Variants in IK observed in about 807,000 individuals in gnomAD.
IK encodes protein Red.
Under a neutral mutation model 90.9 loss-of-function variants are expected in IK, and 47 were observed. That is an observed-to-expected ratio of 0.52 (90% CI 0.41 to 0.66). IK has a LOEUF of 0.66. Among genes scored for constraint, IK ranks in the 30% least tolerant of loss-of-function variants. The pLI, the probability that IK is intolerant of heterozygous loss-of-function variation, is 0.00. For synonymous variants in IK, 201 were observed against 227.5 expected, an observed-to-expected ratio of 0.88 and a Z score of 1.05; for missense variants, 385 against 709.3, an observed-to-expected ratio of 0.54 and a Z score of 5.19.
chr5:140,652,252 C>T (rs187621989), intron 4 of IK, 105 bp downstream of exon 4: 2 of 846,752 alleles, frequency 2.4e-6, no homozygotes, highest in Non-Finnish European at 3.9e-6. Context: ...TCTTGAGGCT[C>T]TCTACTTTCT....
At chr5:140,653,673 C>T (rs1757656282) in intron 5 of IK, among the ~76,000 whole-genome samples, 2 of 134,060 alleles carry the variant, frequency 1.5e-5, no homozygotes, top group South Asian at 5.2e-4. Flanking sequence ...AGCGCGATCT[C>T]AGCTCACTGC....
chr5:140,656,900 C>T (rs902412367), intron 9 of IK, among the ~76,000 whole-genome samples: 5 of 152,062 alleles, frequency 3.3e-5, no homozygotes, highest in African/African-American at 1.2e-4. Context: ...CCACCCCTAC[C>T]TCCCCTACCC....
chr5:140,652,860 A>G (rs1345249353), intron 4 of IK, 117 bp from the exon 5 acceptor site: 11 of 877,514 alleles, frequency 1.3e-5, no homozygotes, highest in East Asian at 2.6e-5. Context: ...CAGGACAGAC[A>G]TGAGCTTTTC....
At chr5:140,660,689 C>G in intron 15 of IK, 69 bp from the exon 16 acceptor site, 3 of 1,231,172 alleles carry the variant, frequency 2.4e-6, no homozygotes, top group Non-Finnish European at 3.6e-6. Flanking sequence ...ACCTCTTAGT[C>G]GGGTAGGTTT....
rs751857597 is a variant in IK at position 140,661,830 on chromosome 5, A to G, written c.1503-69A>G. ...GTTCCCCACTAAGTTCTTTGCCCAC[A>G]GGACTCTGGGAAAACCTCGCCACTG... On this transcript the variant is annotated intron_variant, in intron 17 of 19. Transcript: ENST00000417647. The surrounding 1 kb of genome is among the most constrained non-coding windows in gnomAD (Gnocchi z 4.2). 7.5e-6 allele frequency: 11 copies of G among 1,469,214 alleles called. No homozygotes were observed. The highest frequency in any genetic ancestry group is 1.2e-5 in the South Asian group (1 of 82,860). 91.0% of individuals were successfully genotyped at this position (1,469,214 alleles called of 1,614,324 possible). A position where few individuals can be genotyped will look rare whatever the true frequency, so the allele number is the denominator to read the frequency against.
intron 3 of IK, 42 bp from the exon 4 acceptor site, chr5:140,652,046 G>A (rs770531001): frequency 2.4e-5 from 36 of 1,502,100 alleles, no homozygotes; most frequent in Non-Finnish European, 3.2e-5. Flanking sequence ...TTCTGGGGCT[G>A]TGGCAATATT....
chr5:140,653,581 C>T (rs1415402688), intron 5 of IK, among the ~76,000 whole-genome samples: 3 of 64,812 alleles, frequency 4.6e-5, no homozygotes, highest in Admixed American at 4.1e-4. Context: ...CCGCACCTGG[C>T]CCCCCAACCC....
chr5:140,655,832 G>A lies in IK; in HGVS notation c.641G>A (p.Arg214His), dbSNP rs1242074762. 5 of 1,609,660 alleles carry A rather than the reference G, an allele frequency of 3.1e-6. No homozygotes were observed. The highest frequency in any genetic ancestry group is 2.2e-5 in the South Asian group (2 of 90,018). ...NKIEFKTRLG[R>H]NVYRMLFKSK... ...GCTGCTCTTCTCCTTATTGTAGGCC[G>A]CAATGTTTACCGAATGCTTTTTAAG... Residue 214 changes from arginine to histidine, a missense_variant, in exon 9 of 20, where the codon CGC becomes CAC. By Grantham distance (29) the Arg-to-His change is conservative (BLOSUM62 0). Coordinates refer to ENST00000417647, the MANE Select transcript of IK (RefSeq NM_006083.4).
At chr5:140,654,218 C>T (rs1217663512) in intron 6 of IK, among the ~76,000 whole-genome samples, 166 bp downstream of exon 6, 1 of 152,174 alleles carries the variant, frequency 6.6e-6, no homozygotes, top group Non-Finnish European at 1.5e-5. Flanking sequence ...AAGTATCAGG[C>T]CAAATTTTAT....
rs568823117 is a variant in IK at position 140,648,554 on chromosome 5, A to G, written c.83+17A>G. On this transcript the variant is annotated intron_variant, in intron 2 of 19. Coordinates refer to ENST00000417647, the MANE Select transcript of IK (RefSeq NM_006083.4). ...CTTCCACCAGTGAGTATTTTGTGCT[A>G]GGACCATGGAAATGAGTTGGGCAAT... 3 of 1,611,146 alleles carry G rather than the reference A, an allele frequency of 1.9e-6. No homozygotes were observed. In the South Asian group the frequency reaches 3.3e-5, roughly 18 times the overall value.
intron 2 of IK, 47 bp from the exon 3 acceptor site, chr5:140,651,665 TCA>T: frequency 1.1e-6 from 1 of 916,300 alleles, no homozygotes; most frequent in Admixed American, 2.2e-5. Context: ...TGTTCCTTTT[TCA>T]TTTCTTATTG....
chr5:140,652,285 G>C (rs1162939228), intron 4 of IK, 138 bp downstream of exon 4: 1 of 670,004 alleles, frequency 1.5e-6, no homozygotes, highest in African/African-American at 1.8e-5. Context: ...GTGATACTTA[G>C]AGTGGCAGTA....
At chr5:140,657,687 GCCTTA>G in intron 10 of IK, 25 bp downstream of exon 10, 1 of 1,495,286 alleles carries the variant, frequency 6.7e-7, no homozygotes, top group African/African-American at 1.4e-5. Flanking sequence ...AGAGAGAGAA[GCCTTA>G]CCCACAGAGG....
In IK at chr5:140,652,100, G is replaced by A. The variant is rs934468087; in HGVS notation, c.189G>A (p.Glu63=). ...TCGTCTCTTCTAGGATGCCAAGGGAGTACAATGAGGATGAAGACCCAGCTG... is the reference window on the plus strand; with the variant it reads ...TCGTCTCTTCTAGGATGCCAAGGGAATACAATGAGGATGAAGACCCAGCTG... ...SKSRHHEMPR[E]YNEDEDPAAR... The change falls in exon 4 of 20, where the codon GAG becomes GAA. Residue 63 remains glutamate, a synonymous_variant. Transcript: ENST00000417647. 1.9e-6 allele frequency: 3 copies of A among 1,613,242 alleles called. No individual in the cohort carries two copies. The highest frequency in any genetic ancestry group is 2.7e-5 in the African/African-American group (2 of 74,886).
At position 140,653,154 on chromosome 5, in the gene IK, G is replaced by A. The variant is rs147830783; in HGVS notation, c.404+10G>A. 3 of 1,611,464 alleles carry A rather than the reference G, an allele frequency of 1.9e-6. No individual in the cohort carries two copies. In the African/African-American group the frequency reaches 4.0e-5, roughly 21 times the overall value. ...GCCCCACTGCTGAGGCGTGAGTACTGAGGGAACAGGGCATGGTTCCCTCAG... is the reference window on the plus strand; with the variant it reads ...GCCCCACTGCTGAGGCGTGAGTACTAAGGGAACAGGGCATGGTTCCCTCAG... On this transcript the variant is annotated intron_variant, in intron 5 of 19. Transcript: ENST00000417647.
In IK at chr5:140,661,902, T is replaced by C; in HGVS notation, c.1506T>C (p.Ala502=). 1 of 1,606,738 alleles carries C rather than the reference T, an allele frequency of 6.2e-7. No homozygotes were observed. The highest frequency in any genetic ancestry group is 1.3e-5 in the African/African-American group (1 of 74,924). The part of the protein sequence containing the change: ...YMNNKEALPK[A]AFQYGIKMSE... ...CTTTCCCAACTGCTTTTTTCAGGGCTGCATTCCAGTATGGTATCAAAATGT... is the reference window on the plus strand; with the variant it reads ...CTTTCCCAACTGCTTTTTTCAGGGCCGCATTCCAGTATGGTATCAAAATGT... The change falls in exon 18 of 20, where the codon GCT becomes GCC. Residue 502 remains alanine, a synonymous_variant. Coordinates refer to ENST00000417647, the MANE Select transcript of IK (RefSeq NM_006083.4). This position sits in a 1 kb window ranked among gnomAD's most constrained non-coding sequence, Gnocchi z 4.2.
intron 18 of IK, 27 bp downstream of exon 18, chr5:140,662,034 A>AG: frequency 1.3e-6 from 2 of 1,579,072 alleles, no homozygotes; most frequent in East Asian, 4.5e-5. Context: ...CTTGGGTGGG[A>AG]GGGTTTCAGC....
chr5:140,648,791 T>C, intron 2 of IK: 1 of 469,166 alleles, frequency 2.1e-6, no homozygotes, highest in Non-Finnish European at 3.8e-6. Flanking sequence ...ATATAGGAAT[T>C]ACTTCTTCCA....
rs1266642706 is a variant in IK at position 140,659,749 on chromosome 5, C to T, written c.1196-7C>T. ...CAAGGTCTGGGCTGAGTTCTCTTTT[C>T]TCCTAGGACCTGGGTCTACCAAGGA... On this transcript the variant is annotated splice_region_variant and splice_polypyrimidine_tract_variant and intron_variant, in intron 13 of 19. Coordinates refer to ENST00000417647, the MANE Select transcript of IK (RefSeq NM_006083.4). 1.3e-6 allele frequency: 2 copies of T among 1,579,444 alleles called. No individual in the cohort carries two copies. The highest frequency in any genetic ancestry group is 2.3e-5 in the East Asian group (1 of 43,956).
Sources: allele counts gnomAD v4.1 joint callset (sites outside exome capture counted in the v4.1 genomes callset), GRCh38; gene constraint gnomAD v4.1.1; non-coding constraint Gnocchi (gnomAD v3.1); transcripts MANE v1.5; gene names NCBI Gene and HGNC (gene_info 2026-07-23, HGNC 2026-07-21).